COL14A1: variants seen among roughly 807,000 people sequenced by gnomAD.
The protein encoded by COL14A1 is collagen type XIV alpha 1 chain.
A neutral mutation model predicts 230.3 loss-of-function variants in COL14A1; 136 were observed. That is an observed-to-expected ratio of 0.59 (90% CI 0.51 to 0.68). The LOEUF is 0.68. Among genes scored for constraint, COL14A1 ranks in the 30% least tolerant of loss-of-function variants. COL14A1 has a pLI of 0.00. For synonymous variants in COL14A1, 792 were observed against 784.1 expected, an observed-to-expected ratio of 1.01 and a Z score of -0.17; for missense variants, 1,976 against 2,215.8, an observed-to-expected ratio of 0.89 and a Z score of 2.17.
Position 120,327,344 on chromosome 8 carries a change from T to C in COL14A1, c.4660-4797T>C, listed in dbSNP as rs562496308. 7.1e-4 allele frequency among the ~76,000 whole-genome samples: 108 copies of C among 152,300 alleles called. 2 individuals carry two copies. In the South Asian group the frequency reaches 0.022, roughly 31 times the overall value. Reference sequence around the variant, plus strand: ...AACTGATTTGGTTCATAGACTCTTATGTGAGTCAACTCTGACGTGTAATTC... The same window carrying C: ...AACTGATTTGGTTCATAGACTCTTACGTGAGTCAACTCTGACGTGTAATTC... On this transcript the variant is annotated intron_variant, in intron 40 of 47. Coordinates refer to ENST00000297848, the MANE Select transcript of COL14A1 (RefSeq NM_021110.4).
chr8:120,369,204 A>T (rs1351259401), intron 46 of COL14A1, 126 bp from the exon 47 acceptor site: 2 of 900,370 alleles, frequency 2.2e-6, no homozygotes, highest in Admixed American at 6.8e-5. Context: ...CTCAATGAGT[A>T]GAAAGAGGTT....
At chr8:120,323,443 T>C (rs887884277) in intron 40 of COL14A1, among the ~76,000 whole-genome samples, 1 of 152,180 alleles carries the variant, frequency 6.6e-6, no homozygotes, top group Non-Finnish European at 1.5e-5. Context: ...TGTCAATTTT[T>C]GCTTTTGTTG....
intron 4 of COL14A1, among the ~76,000 whole-genome samples, chr8:120,164,285 A>AT (rs1244045534): frequency 6.6e-6 from 1 of 151,998 alleles, no homozygotes; most frequent in South Asian, 2.1e-4. Flanking sequence ...TTTCAAGTAG[A>AT]TTTTTTTCTA....
At position 120,278,506 on chromosome 8, in the gene COL14A1, G is replaced by C. The variant is rs774249760; in HGVS notation, c.3409G>C (p.Val1137Leu). The C allele has an allele frequency of 1.2e-6, 2 of 1,613,096 alleles. No homozygotes were observed. Among genetic ancestry groups the C allele is most frequent in the East Asian group, 2.2e-5 (1 of 44,774 alleles). Residue 1137 changes from valine to leucine, a missense_variant, in exon 28 of 48, where the codon GTT (valine) becomes CTT (leucine). Val to Leu is a conservative substitution (Grantham distance 32). Around this residue, in one of 3 missense-constraint regions of COL14A1, gnomAD observed 1,791 missense variants for 2,019.5 expected, o/e 0.89. Transcript: ENST00000297848. ...ESGTRRGIPK[V>L]IVVITDGRSQ... ...AGGTACAAGAAGGGGCATCCCAAAG[G>C]TTATCGTGGTTATAACTGATGGAAG...
chr8:120,129,804 G>T (rs781324775), intron 1 of COL14A1, among the ~76,000 whole-genome samples: 10 of 152,280 alleles, frequency 6.6e-5, no homozygotes, highest in Admixed American at 1.3e-4. Context: ...TTCATTAACT[G>T]CGAGCTGTAC....
At chr8:120,322,036 T>A (rs1435985144) in intron 40 of COL14A1, among the ~76,000 whole-genome samples, 1 of 152,084 alleles carries the variant, frequency 6.6e-6, no homozygotes, top group African/African-American at 2.4e-5. Flanking sequence ...TTCACTGAAG[T>A]CATCACTGCA....
At chr8:120,278,368 C>A in intron 27 of COL14A1, 67 bp from the exon 28 acceptor site, 1 of 1,562,398 alleles carries the variant, frequency 6.4e-7, no homozygotes, top group Non-Finnish European at 8.7e-7. Flanking sequence ...TTGTTCCCAC[C>A]CTTTCTTCTC....
chr8:120,159,641 C>G (rs1815592822), intron 3 of COL14A1, among the ~76,000 whole-genome samples: 2 of 152,026 alleles, frequency 1.3e-5, no homozygotes, highest in Admixed American at 6.6e-5. Context: ...AGATGAAACA[C>G]CTGGTTTCTT....
At chr8:120,272,457 A>G (rs532517985) in intron 26 of COL14A1, among the ~76,000 whole-genome samples, 3 of 151,906 alleles carry the variant, frequency 2.0e-5, no homozygotes, top group East Asian at 3.9e-4. Context: ...ATTAACGTTG[A>G]ATGTAAATAG....
intron 2 of COL14A1, among the ~76,000 whole-genome samples, chr8:120,151,656 A>AAAT (rs1815289073): frequency 1.3e-5 from 2 of 151,610 alleles, no homozygotes; most frequent in Non-Finnish European, 2.9e-5. Flanking sequence ...AAAAAAAAAA[A>AAAT]AAAAGCAAAG....
At chr8:120,184,224 GATTTATTTATTTATTTATTTATTT>G (rs10689956) in intron 5 of COL14A1, among the ~76,000 whole-genome samples, 4 of 135,574 alleles carry the variant, frequency 3.0e-5, no homozygotes, top group Non-Finnish European at 6.3e-5. Flanking sequence ...GGGGGGAAGA[GATTTATTTATTTATTTATTTATTT>G]ATTTATTTAT....
At chr8:120,290,012 G>A (rs2129961216) in intron 34 of COL14A1, among the ~76,000 whole-genome samples, 1 of 152,270 alleles carries the variant, frequency 6.6e-6, no homozygotes, top group Non-Finnish European at 1.5e-5. Flanking sequence ...TATGGAATAT[G>A]CATTAGGAAT....
intron 47 of COL14A1, 23 bp from the exon 48 acceptor site, chr8:120,371,129 C>G: frequency 6.3e-7 from 1 of 1,578,812 alleles, no homozygotes; most frequent in Non-Finnish European, 8.6e-7. Context: ...CAGCAAGTCC[C>G]CACCCCCACT....
In COL14A1 at chr8:120,368,971, G is replaced by A. The variant is rs1040992183; in HGVS notation, c.5156-359G>A. ...CATGTTTGTGTCTGTGTGTGTGCACGCCCATAGATTGGATTCATAAGGAAC... is the reference window on the plus strand; with the variant it reads ...CATGTTTGTGTCTGTGTGTGTGCACACCCATAGATTGGATTCATAAGGAAC... On this transcript the variant is annotated intron_variant, in intron 46 of 47. Coordinates refer to ENST00000297848, the MANE Select transcript of COL14A1 (RefSeq NM_021110.4). Among the ~76,000 whole-genome samples, 47 of 152,222 alleles carry A rather than the reference G, an allele frequency of 3.1e-4. 1 individual carries two copies. The highest frequency in any genetic ancestry group is 1.3e-4 in the Non-Finnish European group (9 of 68,012).
chr8:120,288,684 T>C (rs183108099), intron 33 of COL14A1, among the ~76,000 whole-genome samples: 1 of 152,300 alleles, frequency 6.6e-6, no homozygotes, highest in East Asian at 1.9e-4. Context: ...CCCATAACCT[T>C]GATTGTATTG....
intron 8 of COL14A1, among the ~76,000 whole-genome samples, chr8:120,201,410 T>A (rs1268006528): frequency 3.3e-5 from 5 of 152,084 alleles, no homozygotes; most frequent in Admixed American, 6.6e-5. Flanking sequence ...CTCATATTGG[T>A]AGTTTGGAAT....
chr8:120,286,336 A>C (rs1820201789), intron 33 of COL14A1, among the ~76,000 whole-genome samples: 1 of 152,186 alleles, frequency 6.6e-6, no homozygotes, highest in Non-Finnish European at 1.5e-5. Flanking sequence ...TGAGTGCAGA[A>C]GAAAGCACAA....
chr8:120,169,241 A>T (rs1173571246), intron 5 of COL14A1, among the ~76,000 whole-genome samples: 2 of 152,200 alleles, frequency 1.3e-5, no homozygotes. Context: ...TAACTGTGGA[A>T]CTGCAAGGTT....
intron 40 of COL14A1, among the ~76,000 whole-genome samples, chr8:120,318,261 A>G (rs1485095385): frequency 6.6e-6 from 1 of 152,210 alleles, no homozygotes; most frequent in African/African-American, 2.4e-5. Context: ...CCTACAGAGA[A>G]GAATCCAGAA....
Sources: allele counts gnomAD v4.1 joint callset (sites outside exome capture counted in the v4.1 genomes callset), GRCh38; gene constraint gnomAD v4.1.1; regional missense constraint gnomAD v4.1.1; transcripts MANE v1.5; gene names NCBI Gene and HGNC (gene_info 2026-07-23, HGNC 2026-07-21).